The following BCCIP variants were observed in gnomAD, a reference collection of about 807,000 sequenced individuals.
The protein encoded by BCCIP is BRCA2 and CDKN1A interacting protein.
Under a neutral mutation model 32.8 loss-of-function variants are expected in BCCIP, and 23 were observed. The observed-to-expected ratio is 0.70, with a 90% CI of 0.51 to 0.99. BCCIP has a LOEUF of 0.99. Ranked by LOEUF, BCCIP falls within the 50% of genes least tolerant of loss-of-function variation. The pLI is 0.00. For missense variants in BCCIP, 378 were observed against 379.8 expected (o/e 1.00, Z 0.04); for synonymous variants, 144 against 137.6 (o/e 1.05, Z -0.33).
chr10:125,838,717 C>T (rs1347551935), downstream of BCCIP, among the ~76,000 whole-genome samples: 5 of 152,200 alleles, frequency 3.3e-5, no homozygotes, highest in Non-Finnish European at 7.3e-5. Flanking sequence ...AAGTGCTTTA[C>T]ACTTGGTGTG....
chr10:125,826,501 AC>A, intron 1 of BCCIP, 89 bp from the exon 2 acceptor site: 1 of 1,566,080 alleles, frequency 6.4e-7, no homozygotes, highest in Non-Finnish European at 8.6e-7. Flanking sequence ...TGTATTCTTC[AC>A]AGATGGCAAT....
downstream of BCCIP, among the ~76,000 whole-genome samples, chr10:125,840,146 T>C (rs151075767): frequency 3.3e-5 from 5 of 152,348 alleles, no homozygotes; most frequent in African/African-American, 9.6e-5. Context: ...CTGGCTGCCC[T>C]TTATGGGTGG....
At chr10:125,833,995 A>C in intron 6 of BCCIP, 49 bp downstream of exon 6, 1 of 1,582,518 alleles carries the variant, frequency 6.3e-7, no homozygotes, top group Non-Finnish European at 8.7e-7. Flanking sequence ...GATTTTCTTG[A>C]AAATGATTTA....
At chr10:125,834,834 AACAC>A (rs574913331) in intron 6 of BCCIP, among the ~76,000 whole-genome samples, 1 of 148,216 alleles carries the variant, frequency 6.7e-6, no homozygotes, top group Non-Finnish European at 1.5e-5. Flanking sequence ...ACAAACAAAA[AACAC>A]AAAAACATCT....
chr10:125,835,881 C>G (rs1273060381), intron 6 of BCCIP, among the ~76,000 whole-genome samples: 1 of 152,214 alleles, frequency 6.6e-6, no homozygotes, highest in Non-Finnish European at 1.5e-5. Context: ...AATTGCACAC[C>G]TCTATCCCTG....
At chr10:125,835,438 GCACAA>G (rs1854647413) in intron 6 of BCCIP, among the ~76,000 whole-genome samples, 1 of 151,814 alleles carries the variant, frequency 6.6e-6, no homozygotes, top group East Asian at 1.9e-4. Context: ...AATTAGCCAG[GCACAA>G]TGGTGGGCAC....
exon 7 of BCCIP, chr10:125,842,157 G>T (rs1439572772): frequency 3.0e-5 from 18 of 592,124 alleles, no homozygotes; most frequent in Middle Eastern, 9.6e-4. Context: ...TCCGAGGAGG[G>T]TCCCAGCTGC....
Position 125,833,847 on chromosome 10 carries a change from A to G in BCCIP, c.675A>G (p.Thr225=). 3 of 1,614,244 alleles carry G rather than the reference A, an allele frequency of 1.9e-6. No homozygotes were observed. Among genetic ancestry groups the G allele is most frequent in the Non-Finnish European group, 2.5e-6 (3 of 1,180,034 alleles). ...ACTTTTACCTTCTGATTAGTAAGAC[A>G]TTTGTGGAAGCAGGAAAAAACAATT... The part of the protein sequence containing the change: ...KCYFYLLISK[T]FVEAGKNNSK... Residue 225 remains threonine, a synonymous_variant, in exon 6 of 7, where the codon ACA becomes ACG. Coordinates refer to ENST00000278100, the MANE Select transcript of BCCIP (RefSeq NM_078468.3).
rs374807277 is a variant in BCCIP, at chr10:125,826,996, T to TAAAAAAAAAAAAAAA, written c.240+340_240+341insAAAAAAAAAAAAAAA. Among the ~76,000 whole-genome samples, 19 of 129,286 alleles carry TAAAAAAAAAAAAAAA rather than the reference T, an allele frequency of 1.5e-4. 1 individual carries two copies. Among genetic ancestry groups the TAAAAAAAAAAAAAAA allele is most frequent in the African/African-American group, 2.7e-4 (9 of 33,654 alleles). 84.8% of individuals were successfully genotyped at this position (129,286 alleles called of 152,430 possible). A position where few individuals can be genotyped will look rare whatever the true frequency, so the allele number is the denominator to read the frequency against. On this transcript the variant is annotated intron_variant, in intron 2 of 6. Coordinates refer to ENST00000278100, the MANE Select transcript of BCCIP (RefSeq NM_078468.3). ...GGGCAACAGAGTGAGCCTCTGTCTC[T>TAAAAAAAAAAAAAAA]AAAAAAAAAGAAAATTCAGGTCATT...
At chr10:125,826,996 TA>T (rs374807277) in intron 2 of BCCIP, among the ~76,000 whole-genome samples, 10 of 129,310 alleles carry the variant, frequency 7.7e-5, no homozygotes, top group African/African-American at 2.1e-4. Context: ...CCTCTGTCTC[TA>T]AAAAAAAAGA....
intron 7 of BCCIP, among the ~76,000 whole-genome samples, chr10:125,848,007 T>TG (rs993816827): frequency 1.3e-5 from 2 of 152,214 alleles, no homozygotes; most frequent in African/African-American, 4.8e-5. Flanking sequence ...GCCTAGGGGT[T>TG]GGGGACCCCT....
At chr10:125,824,946 G>C (rs1327513479) in intron 1 of BCCIP, among the ~76,000 whole-genome samples, 2 of 152,390 alleles carry the variant, frequency 1.3e-5, no homozygotes, top group African/African-American at 4.8e-5. Context: ...GGAGCATGGA[G>C]AGAAGCATGG....
In BCCIP at chr10:125,826,410, T is replaced by G. The variant is rs1164880236; in HGVS notation, c.166-181T>G. Reference sequence around the variant, plus strand: ...TCTGGTTTATTTGAACTGGACTTTCTCAACATTTAAACTAGGTTACTCTGA... The same window carrying G: ...TCTGGTTTATTTGAACTGGACTTTCGCAACATTTAAACTAGGTTACTCTGA... On this transcript the variant is annotated intron_variant, in intron 1 of 6. Coordinates refer to ENST00000278100, the MANE Select transcript of BCCIP (RefSeq NM_078468.3). The G allele has an allele frequency of 4.4e-6, 4 of 916,228 alleles. No individual in the cohort carries two copies. The African/African-American group carries it at 5.2e-5, about 12-fold the overall frequency. 56.8% of individuals were successfully genotyped at this position (916,228 alleles called of 1,614,324 possible).
At chr10:125,852,753 C>T (rs1337499806) in intron 7 of BCCIP, 19 of 925,330 alleles carry the variant, frequency 2.1e-5, no homozygotes, top group Admixed American at 5.6e-5. Context: ...AATGCACTGC[C>T]ACAGACTCAT....
intron 3 of BCCIP, among the ~76,000 whole-genome samples, chr10:125,827,940 C>T (rs1207104575): frequency 1.4e-5 from 2 of 142,606 alleles, no homozygotes; most frequent in Non-Finnish European, 3.0e-5. Flanking sequence ...GCACTCTAGC[C>T]GGGCAACACA....
At chr10:125,838,232 C>T (rs372064812), downstream of BCCIP, 3 of 1,609,544 alleles carry the variant, frequency 1.9e-6, no homozygotes, top group African/African-American at 2.7e-5. Context: ...CTGAGGTAAT[C>T]CTGATGTAGT....
chr10:125,840,448 G>A (rs1027678010), downstream of BCCIP, among the ~76,000 whole-genome samples: 5 of 152,248 alleles, frequency 3.3e-5, no homozygotes, highest in East Asian at 1.9e-4. Context: ...CTGCATGCAC[G>A]TGGTGAATGT....
At chr10:125,843,454 T>A (rs1043276607), downstream of BCCIP, among the ~76,000 whole-genome samples, 20 of 151,762 alleles carry the variant, frequency 1.3e-4, no homozygotes, top group Admixed American at 1.0e-3. Context: ...ACTAAAAAAA[T>A]ACAAAAAATT....
chr10:125,852,970 A>G (rs1944110768), intron 7 of BCCIP, among the ~76,000 whole-genome samples: 1 of 152,176 alleles, frequency 6.6e-6, no homozygotes, highest in Non-Finnish European at 1.5e-5. Context: ...CACACAGAGA[A>G]AGGGTTCTCA....
Sources: allele counts gnomAD v4.1 joint callset (sites outside exome capture counted in the v4.1 genomes callset), GRCh38; gene constraint gnomAD v4.1.1; transcripts MANE v1.5; gene names NCBI Gene and HGNC (gene_info 2026-07-23, HGNC 2026-07-21).